The following NIN variants were observed in gnomAD, a reference collection of about 807,000 sequenced individuals.
The protein encoded by NIN is glycogen synthase kinase 3 beta-interacting protein.
A neutral mutation model predicts 257.6 loss-of-function variants in NIN; 137 were observed. The ratio of observed to expected loss-of-function variants is 0.53; its 90% CI spans 0.46 to 0.61. The LOEUF (loss-of-function observed/expected upper bound fraction) is 0.61. NIN is among the 20% of genes least tolerant of loss of function. The pLI is 0.00. For missense variants in NIN, 2,439 were observed against 2,501.2 expected, an observed-to-expected ratio of 0.98 and a Z score of 0.53; for synonymous variants, 918 against 919.8, an observed-to-expected ratio of 1.00 and a Z score of 0.04.
rs905587091 is a variant in NIN at position 50,822,057 on chromosome 14, C to A, written c.-1G>T. On this transcript the variant is annotated 5_prime_UTR_variant, in exon 3 of 31. Transcript: ENST00000530997. ...GCTGGTCCTGCTCCACCTCATCCATCCCATAGCCCACAGTGCTCACCTGTG... is the reference window on the plus strand; with the variant it reads ...GCTGGTCCTGCTCCACCTCATCCATACCATAGCCCACAGTGCTCACCTGTG... 3 of 1,612,050 alleles carry A rather than the reference C, an allele frequency of 1.9e-6. No homozygotes were observed. Among genetic ancestry groups the A allele is most frequent in the Non-Finnish European group, 2.5e-6 (3 of 1,178,810 alleles).
At chr14:50,738,581 G>T (rs1416555271) in intron 26 of NIN, among the ~76,000 whole-genome samples, 1 of 152,162 alleles carries the variant, frequency 6.6e-6, no homozygotes, top group African/African-American at 2.4e-5. Context: ...CAGGAAAACA[G>T]GCACAGTGGT....
At chr14:50,783,964 C>T (rs928741473) in intron 5 of NIN, among the ~76,000 whole-genome samples, 6 of 151,228 alleles carry the variant, frequency 4.0e-5, no homozygotes, top group African/African-American at 9.8e-5. Context: ...GGGGGGAAAG[C>T]GAGGAACAAT....
chr14:50,772,532 T>A (rs2042776806), intron 8 of NIN, 64 bp from the exon 9 acceptor site: 2 of 1,505,776 alleles, frequency 1.3e-6, no homozygotes, highest in Non-Finnish European at 1.8e-6. Flanking sequence ...AAGATATTGG[T>A]CAGCCCTGAC....
At chr14:50,774,878 G>A (rs1017433560) in intron 7 of NIN, among the ~76,000 whole-genome samples, 10 of 151,820 alleles carry the variant, frequency 6.6e-5, no homozygotes, top group African/African-American at 2.2e-4. Flanking sequence ...AAACAATGCC[G>A]GTTAAATGGC....
chr14:50,808,619 A>G (rs1055246648), intron 3 of NIN, among the ~76,000 whole-genome samples: 9 of 152,186 alleles, frequency 5.9e-5, no homozygotes, highest in African/African-American at 2.2e-4. Context: ...ATATTTATTG[A>G]GCAGCTGCTC....
At chr14:50,755,867 T>C (rs1222673595) in intron 18 of NIN, among the ~76,000 whole-genome samples, 1 of 152,044 alleles carries the variant, frequency 6.6e-6, no homozygotes, top group Non-Finnish European at 1.5e-5. Context: ...AGTCTTGCTA[T>C]GTTCCCTAGG....
chr14:50,739,935 T>C (rs1174613808), intron 25 of NIN, among the ~76,000 whole-genome samples: 1 of 152,262 alleles, frequency 6.6e-6, no homozygotes. Context: ...GGCTAAACTC[T>C]ACTTTCATTT....
In NIN at chr14:50,829,522, T is replaced by C. The variant is rs550656101; in HGVS notation, c.-22+942A>G. Reference sequence around the variant, plus strand: ...ATGGACTTTATCAGGATTCTCATCCTACAAAGCTACCATGTCAGTCACAAA... The same window carrying C: ...ATGGACTTTATCAGGATTCTCATCCCACAAAGCTACCATGTCAGTCACAAA... On this transcript the variant is annotated intron_variant, in intron 2 of 30. Transcript: ENST00000530997. Among the ~76,000 whole-genome samples the C allele has an allele frequency of 2.0e-5, 3 of 152,336 alleles. No individual in the cohort carries two copies. The South Asian group carries it at 6.2e-4, about 32-fold the overall frequency.
Position 50,735,630 on chromosome 14 carries a change from A to C in NIN, c.5776-13T>G, listed in dbSNP as rs1377207700. 1.9e-6 allele frequency: 3 copies of C among 1,603,384 alleles called. No individual in the cohort carries two copies. The highest frequency in any genetic ancestry group is 1.3e-5 in the African/African-American group (1 of 74,676). ...TCATCTGACTGACCTGTTTAAAAAA[A>C]ACAAAATATTCCCTTGAAACAGAAA... is the stretch of plus-strand genomic sequence containing the variant. On this transcript the variant is annotated splice_polypyrimidine_tract_variant and intron_variant, in intron 27 of 30. Coordinates refer to ENST00000530997, the MANE Select transcript of NIN (RefSeq NM_020921.4).
intron 29 of NIN, among the ~76,000 whole-genome samples, chr14:50,729,118 A>G (rs2040559376): frequency 6.6e-6 from 1 of 152,250 alleles, no homozygotes; most frequent in Admixed American, 6.5e-5. Context: ...CGTTTATTAC[A>G]AATGGGCAAA....
In NIN at chr14:50,806,937, C is replaced by A. The variant is rs376753477; in HGVS notation, c.184-119G>T. ...TGACAGCCTTGAAGTGAGTCATAAT[C>A]CAATTTGTTGCCCTTTTCATTTCTC... On this transcript the variant is annotated intron_variant, in intron 3 of 30. Transcript: ENST00000530997. 12 of 498,070 alleles carry A rather than the reference C, an allele frequency of 2.4e-5. No homozygotes were observed. The East Asian group carries it at 4.0e-4, about 17-fold the overall frequency. 30.9% of individuals were successfully genotyped at this position (498,070 alleles called of 1,614,324 possible).
Position 50,831,033 on chromosome 14 carries a change from C to T in NIN, c.-103G>A, listed in dbSNP as rs935028211. 1 of 150,842 alleles carries T rather than the reference C, an allele frequency of 6.6e-6. No homozygotes were observed. The highest frequency in any genetic ancestry group is 2.4e-5 in the African/African-American group (1 of 41,262). 9.3% of individuals were successfully genotyped at this position (150,842 alleles called of 1,614,324 possible). On this transcript the variant is annotated 5_prime_UTR_variant, in exon 1 of 31. Transcript: ENST00000530997. ...CGTCCCGGGGCTCAGGCGCCCGGCG[C>T]CGCCGCGGGAACCATGGCCGCTGGC... is the stretch of plus-strand genomic sequence containing the variant.
At chr14:50,729,152 G>T (rs962386443) in intron 29 of NIN, among the ~76,000 whole-genome samples, 3 of 152,140 alleles carry the variant, frequency 2.0e-5, no homozygotes, top group African/African-American at 7.2e-5. Context: ...AACACTAAAT[G>T]ACTCAGCTTA....
At chr14:50,817,061 C>T (rs1248593470) in intron 3 of NIN, among the ~76,000 whole-genome samples, 3 of 152,192 alleles carry the variant, frequency 2.0e-5, no homozygotes, top group African/African-American at 7.2e-5. Context: ...GACTTAGAGA[C>T]TAGATCCAAG....
intron 28 of NIN, among the ~76,000 whole-genome samples, chr14:50,734,827 C>A (rs151025663): frequency 6.6e-6 from 1 of 151,996 alleles, no homozygotes; most frequent in Non-Finnish European, 1.5e-5. Flanking sequence ...CAGGTACGTG[C>A]CACCACACCT....
intron 27 of NIN, 138 bp from the exon 28 acceptor site, chr14:50,735,755 T>C: frequency 2.6e-6 from 3 of 1,139,788 alleles, no homozygotes; most frequent in African/African-American, 1.6e-5. Context: ...GACAAACAAA[T>C]AATACAATTC....
intron 23 of NIN, among the ~76,000 whole-genome samples, chr14:50,744,025 T>C (rs1021244680): frequency 7.2e-5 from 11 of 152,344 alleles, no homozygotes; most frequent in Admixed American, 1.3e-4. Flanking sequence ...CATTTTGTAT[T>C]ATCGAGTTTA....
chr14:50,749,636 G>C (rs2140664297), intron 21 of NIN, among the ~76,000 whole-genome samples: 1 of 152,128 alleles, frequency 6.6e-6, no homozygotes, highest in African/African-American at 2.4e-5. Context: ...TAGAGCTGTT[G>C]TTTTCCCTCC....
intron 9 of NIN, chr14:50,772,055 GTAAA>G (rs764417848): frequency 7.1e-4 from 291 of 412,586 alleles, no homozygotes; most frequent in Non-Finnish European, 1.2e-3. Context: ...ATCTGGCCCT[GTAAA>G]TAAACACAAT....
Sources: allele counts gnomAD v4.1 joint callset (sites outside exome capture counted in the v4.1 genomes callset), GRCh38; gene constraint gnomAD v4.1.1; transcripts MANE v1.5; gene names NCBI Gene and HGNC (gene_info 2026-07-23, HGNC 2026-07-21).